The following TGFBR3 variants were observed in gnomAD, a reference collection of about 807,000 sequenced individuals.
TGFBR3 encodes the protein transforming growth factor beta receptor 3.
Under a neutral mutation model 87.9 loss-of-function variants are expected in TGFBR3, and 46 were observed. The observed-to-expected ratio is 0.52, with a 90% CI of 0.41 to 0.67. The LOEUF (loss-of-function observed/expected upper bound fraction) is 0.67. TGFBR3 is among the 30% of genes least tolerant of loss of function. The probability of loss-of-function intolerance (pLI) is 0.00; values close to 1 mark genes in which losing one functional copy is unlikely to be tolerated. For missense variants in TGFBR3, 866 were observed against 1,041.9 expected (o/e 0.83, Z 2.32); for synonymous variants, 381 against 391.6 (o/e 0.97, Z 0.32).
At chr1:91,836,436 AAAATGT>A (rs10609256) in intron 2 of TGFBR3, among the ~76,000 whole-genome samples, 112,192 of 151,530 alleles carry the variant, frequency 0.74, 42,342 homozygotes, top group East Asian at 0.96. Flanking sequence ...AGTACACTGT[AAAATGT>A]AGCAAACCGA....
chr1:91,868,418 C>T (rs58094327), intron 1 of TGFBR3, among the ~76,000 whole-genome samples: 11,220 of 152,166 alleles, frequency 0.074, 486 homozygotes, highest in African/African-American at 0.13. Flanking sequence ...AAAAATGATT[C>T]CAAATTCCAT....
chr1:91,758,478 A>C (rs1673828225), intron 4 of TGFBR3, 135 bp downstream of exon 4: 9 of 1,059,298 alleles, frequency 8.5e-6, no homozygotes, highest in Admixed American at 1.8e-5. Flanking sequence ...CACTAAGTGC[A>C]TCCTCCAAAT....
intron 2 of TGFBR3, among the ~76,000 whole-genome samples, chr1:91,836,020 G>A (rs1340952582): frequency 6.6e-6 from 1 of 151,884 alleles, no homozygotes; most frequent in African/African-American, 2.4e-5. Flanking sequence ...GGCCAAGGTG[G>A]GCGGATCACC....
intron 2 of TGFBR3, among the ~76,000 whole-genome samples, chr1:91,895,639 A>G (rs909094151): frequency 9.9e-5 from 15 of 152,172 alleles, no homozygotes; most frequent in Non-Finnish European, 2.9e-5. Context: ...ATGGACTAAT[A>G]CAAGACCCAT....
chr1:91,708,601 T>C lies in TGFBR3; in HGVS notation c.2287+62A>G, dbSNP rs376174319. ...TAAAGCTGGACTTTGATTTACACTA[T>C]TGGGTCTTCTTAACAAGCAGAGCTC... On this transcript the variant is annotated intron_variant, in intron 14 of 16. Coordinates refer to ENST00000212355, the MANE Select transcript of TGFBR3 (RefSeq NM_003243.5). 5.0e-5 allele frequency: 81 copies of C among 1,611,830 alleles called. 2 individuals carry two copies. The Middle Eastern group carries it at 9.9e-4, about 20-fold the overall frequency.
At chr1:91,871,844 G>T (rs1439558063) in intron 1 of TGFBR3, among the ~76,000 whole-genome samples, 1 of 152,070 alleles carries the variant, frequency 6.6e-6, no homozygotes, top group Non-Finnish European at 1.5e-5. Context: ...ATAATTTTGG[G>T]CAACTTACTT....
chr1:91,802,702 C>G (rs1675681187), intron 2 of TGFBR3, among the ~76,000 whole-genome samples: 1 of 152,144 alleles, frequency 6.6e-6, no homozygotes, highest in Non-Finnish European at 1.5e-5. Flanking sequence ...TATTCAACAG[C>G]TCCTTCACCA....
intron 2 of TGFBR3, among the ~76,000 whole-genome samples, chr1:91,827,541 C>T (rs1676688889): frequency 6.6e-6 from 1 of 152,100 alleles, no homozygotes; most frequent in Non-Finnish European, 1.5e-5. Context: ...ATGTGACAGC[C>T]CCAAAGGATG....
intron 2 of TGFBR3, among the ~76,000 whole-genome samples, chr1:91,853,736 G>A (rs1011260876): frequency 6.6e-5 from 10 of 152,116 alleles, no homozygotes; most frequent in Non-Finnish European, 1.2e-4. Context: ...ACTCATGGCC[G>A]GGAGCGGTGG....
At chr1:91,766,480 C>T (rs182637535) in intron 3 of TGFBR3, 19 of 152,138 alleles carry the variant, frequency 1.2e-4, no homozygotes, top group Middle Eastern at 3.4e-3. Context: ...TATCAAACTG[C>T]ATAATAAAGA....
At chr1:91,836,644 A>C (rs995553916) in intron 2 of TGFBR3, among the ~76,000 whole-genome samples, 1 of 152,008 alleles carries the variant, frequency 6.6e-6, no homozygotes, top group African/African-American at 2.4e-5. Flanking sequence ...ACTTTTTTAT[A>C]TATAATTATA....
chr1:91,740,971 A>G (rs1418255188), intron 4 of TGFBR3, among the ~76,000 whole-genome samples: 1 of 152,094 alleles, frequency 6.6e-6, no homozygotes, highest in Non-Finnish European at 1.5e-5. Flanking sequence ...AAAACAACCT[A>G]TTTTTCTCTA....
intron 4 of TGFBR3, among the ~76,000 whole-genome samples, chr1:91,735,940 T>C (rs1273708416): frequency 6.6e-6 from 1 of 152,304 alleles, no homozygotes; most frequent in East Asian, 1.9e-4. Context: ...ATGAACCATT[T>C]ATTCATAACG....
intron 2 of TGFBR3, among the ~76,000 whole-genome samples, chr1:91,822,206 C>T (rs1405842707): frequency 6.7e-6 from 1 of 149,218 alleles, no homozygotes; most frequent in Non-Finnish European, 1.5e-5. Context: ...GATAGACAAA[C>T]CGCCACATTT....
intron 3 of TGFBR3, among the ~76,000 whole-genome samples, chr1:91,786,676 G>A (rs552908343): frequency 3.3e-5 from 5 of 151,638 alleles, no homozygotes; most frequent in South Asian, 2.1e-4. Flanking sequence ...GCTTGAACTC[G>A]GGAGGCGGAG....
At chr1:91,766,011 T>A (rs1205262185) in intron 3 of TGFBR3, among the ~76,000 whole-genome samples, 1 of 152,114 alleles carries the variant, frequency 6.6e-6, no homozygotes, top group East Asian at 1.9e-4. Context: ...CTATGTGCTA[T>A]ACAAACGTAT....
chr1:91,831,961 C>A (rs1451684435), intron 2 of TGFBR3, among the ~76,000 whole-genome samples: 5 of 152,146 alleles, frequency 3.3e-5, no homozygotes, highest in Admixed American at 6.5e-5. Flanking sequence ...TATTTAAAAA[C>A]AAAAACTTTT....
intron 4 of TGFBR3, among the ~76,000 whole-genome samples, chr1:91,741,688 T>C (rs374234694): frequency 6.6e-6 from 1 of 152,108 alleles, no homozygotes. Flanking sequence ...ACTTCAGAGA[T>C]GATGAGGGTT....
At chr1:91,761,917 T>C (rs1171633488) in intron 3 of TGFBR3, among the ~76,000 whole-genome samples, 1 of 152,192 alleles carries the variant, frequency 6.6e-6, no homozygotes, top group Non-Finnish European at 1.5e-5. Context: ...TGAGGCAGAC[T>C]ACAGCAAATA....
Sources: gnomAD v4.1 joint callset for allele counts (sites outside exome capture counted in the v4.1 genomes callset) on GRCh38, gnomAD v4.1.1 for gene constraint, MANE v1.5 for transcripts, NCBI Gene and HGNC (gene_info 2026-07-23, HGNC 2026-07-21) for gene names.